NRXN3: variants seen among roughly 807,000 people sequenced by gnomAD.
NRXN3 encodes the protein neurexin 3.
A neutral mutation model predicts 137.6 loss-of-function variants in NRXN3; 32 were observed. That is an observed-to-expected ratio of 0.23 (90% confidence interval 0.18 to 0.31). The LOEUF is 0.31. NRXN3 is among the 10% of genes least tolerant of loss of function. The pLI, the probability that NRXN3 is intolerant of heterozygous loss-of-function variation, is 1.00. For synonymous variants in NRXN3, 798 were observed against 784.5 expected (o/e 1.02, Z -0.29); for missense variants, 1,574 against 2,062.5 (o/e 0.76, Z 4.59).
At chr14:78,659,971 T>C (rs2097823288) in intron 6 of NRXN3, among the ~76,000 whole-genome samples, 1 of 151,980 alleles carries the variant, frequency 6.6e-6, no homozygotes, top group East Asian at 1.9e-4. Context: ...ACCCATAACA[T>C]ACAGAGGCAC....
intron 10 of NRXN3, among the ~76,000 whole-genome samples, chr14:78,940,110 C>A (rs916994500): frequency 6.6e-6 from 1 of 152,150 alleles, no homozygotes; most frequent in African/African-American, 2.4e-5. Context: ...CATCTTTAGA[C>A]TCATTTCCTA....
chr14:78,919,894 T>G (rs2152818663), intron 10 of NRXN3, among the ~76,000 whole-genome samples: 1 of 152,332 alleles, frequency 6.6e-6, no homozygotes, highest in South Asian at 2.1e-4. Flanking sequence ...GTCACAGTGC[T>G]AAGCACGTCA....
At chr14:79,064,371 A>T (rs1216221290) in intron 15 of NRXN3, among the ~76,000 whole-genome samples, 1 of 152,086 alleles carries the variant, frequency 6.6e-6, no homozygotes, top group African/African-American at 2.4e-5. Flanking sequence ...TACAGTCTTC[A>T]TAGGGGTGCA....
chr14:78,376,075 A>AT (rs1428028686), intron 4 of NRXN3, among the ~76,000 whole-genome samples: 2 of 151,900 alleles, frequency 1.3e-5, no homozygotes, highest in Admixed American at 6.6e-5. Flanking sequence ...TGCTAGATCC[A>AT]TTCTTTGAGA....
intron 15 of NRXN3, among the ~76,000 whole-genome samples, chr14:79,005,647 TC>T (rs1235647114): frequency 6.6e-6 from 1 of 152,182 alleles, no homozygotes; most frequent in African/African-American, 2.4e-5. Flanking sequence ...AAAACTCTCT[TC>T]CCCAACGTGC....
chr14:78,441,988 C>T (rs1005369309), intron 4 of NRXN3, among the ~76,000 whole-genome samples: 5 of 151,158 alleles, frequency 3.3e-5, no homozygotes, highest in African/African-American at 9.7e-5. Context: ...CCCAGCTACT[C>T]GGGAGGCTGA....
chr14:79,141,112 G>C (rs1413709669), intron 15 of NRXN3, among the ~76,000 whole-genome samples: 1 of 152,126 alleles, frequency 6.6e-6, no homozygotes, highest in African/African-American at 2.4e-5. Context: ...TTCAAATTTA[G>C]TTGGTGCCTT....
At chr14:78,553,066 C>T (rs1422903814) in intron 4 of NRXN3, among the ~76,000 whole-genome samples, 1 of 152,196 alleles carries the variant, frequency 6.6e-6, no homozygotes, top group Non-Finnish European at 1.5e-5. Flanking sequence ...AATTAATCAT[C>T]ATAACAACCT....
At chr14:79,367,132 C>T (rs958621506) in intron 15 of NRXN3, among the ~76,000 whole-genome samples, 12 of 152,044 alleles carry the variant, frequency 7.9e-5, no homozygotes, top group African/African-American at 2.9e-4. Flanking sequence ...TACAGGCGTC[C>T]ACCACCACGC....
chr14:79,236,983 C>T (rs148657511), intron 15 of NRXN3, among the ~76,000 whole-genome samples: 1 of 151,932 alleles, frequency 6.6e-6, no homozygotes, highest in South Asian at 2.1e-4. Context: ...GATTCTTCCT[C>T]CGTCATTTAT....
chr14:78,969,065 AGG>A (rs1461061187), intron 14 of NRXN3, among the ~76,000 whole-genome samples: 1 of 152,226 alleles, frequency 6.6e-6, no homozygotes, highest in African/African-American at 2.4e-5. Context: ...CTTGAATGTA[AGG>A]AGATCAGAAA....
At chr14:79,224,290 G>A (rs1470250327) in intron 15 of NRXN3, among the ~76,000 whole-genome samples, 1 of 152,038 alleles carries the variant, frequency 6.6e-6, no homozygotes, top group Admixed American at 6.6e-5. Context: ...TTGGTATTCT[G>A]TTTATCCCAC....
chr14:78,801,275 C>T (rs1036944828), intron 8 of NRXN3, among the ~76,000 whole-genome samples: 16 of 152,112 alleles, frequency 1.1e-4, no homozygotes, highest in Non-Finnish European at 1.5e-4. Flanking sequence ...GAGCCGAGAT[C>T]GCGCTACAGC....
In NRXN3 at chr14:78,195,574, C is replaced by T. The variant is rs2061154395; in HGVS notation, c.-704+24900C>T. Among the ~76,000 whole-genome samples, 3 of 152,082 alleles carry T rather than the reference C, an allele frequency of 2.0e-5. 1 individual carries two copies. In the South Asian group the frequency reaches 6.2e-4, roughly 32 times the overall value. The stretch of plus-strand genomic sequence containing the variant: ...ACTTTAGAGAGGTGCGGGGACAGCC[C>T]ATCTGGGGAGATGACATCTGAGCTA... On this transcript the variant is annotated intron_variant, in intron 1 of 20. Transcript: ENST00000335750.
In NRXN3 at chr14:79,467,316, G is replaced by T; in HGVS notation, c.3358G>T (p.Val1120Leu). The part of the protein sequence containing the change: ...RPSTRSDRLA[V>L]GFSTTVKDGI... ...CAGCACGCGGTCTGACCGCCTTGCC[G>T]TGGGCTTCAGCACCACTGTGAAGGA... The change falls in exon 16 of 21, where the codon GTG (valine) becomes TTG (leucine). Residue 1120 changes from valine to leucine, a missense_variant. By Grantham distance (32) the Val-to-Leu change is conservative. This residue lies in a region of NRXN3 where 133 missense variants were observed against 241.8 expected (regional missense o/e 0.55). Transcript: ENST00000335750. The T allele has an allele frequency of 6.2e-7, 1 of 1,613,766 alleles. No homozygotes were observed. The highest frequency in any genetic ancestry group is 8.5e-7 in the Non-Finnish European group (1 of 1,179,646).
At chr14:78,184,525 T>C (rs961018201) in intron 1 of NRXN3, among the ~76,000 whole-genome samples, 1 of 152,226 alleles carries the variant, frequency 6.6e-6, no homozygotes, top group Non-Finnish European at 1.5e-5. Flanking sequence ...TGTGTCTTTT[T>C]ACTCAGAAAA....
intron 10 of NRXN3, 101 bp from the exon 11 acceptor site, chr14:78,957,141 A>C: frequency 8.0e-7 from 1 of 1,257,606 alleles, no homozygotes; most frequent in Non-Finnish European, 1.1e-6. Flanking sequence ...AATTCCTTGA[A>C]TGCTGCTGGG....
At chr14:78,918,306 A>AAAAG (rs1555576169) in intron 10 of NRXN3, among the ~76,000 whole-genome samples, 3 of 138,764 alleles carry the variant, frequency 2.2e-5, no homozygotes, top group Non-Finnish European at 4.5e-5. Flanking sequence ...AAAAAAAAAA[A>AAAAG]AGAGAGAGAG....
intron 8 of NRXN3, among the ~76,000 whole-genome samples, chr14:78,723,065 A>T (rs2152873921): frequency 6.6e-6 from 1 of 152,304 alleles, no homozygotes; most frequent in South Asian, 2.1e-4. Context: ...GTTTTCGAAG[A>T]TGCAGCTGTA....
Sources: gnomAD v4.1 joint callset for allele counts (sites outside exome capture counted in the v4.1 genomes callset) on GRCh38, gnomAD v4.1.1 for gene constraint, gnomAD v4.1.1 regional missense constraint, MANE v1.5 for transcripts, NCBI Gene and HGNC (gene_info 2026-07-23, HGNC 2026-07-21) for gene names.